Variants in FRMD4A observed in about 807,000 individuals in gnomAD.
FRMD4A encodes FERM domain-containing protein 4A.
Under a neutral mutation model 129.1 loss-of-function variants are expected in FRMD4A, and 29 were observed. The ratio of observed to expected loss-of-function variants is 0.22; its 90% CI spans 0.17 to 0.31. FRMD4A has a LOEUF of 0.31. Among genes scored for constraint, FRMD4A ranks in the 10% least tolerant of loss-of-function variants. The pLI is 1.00. For missense variants in FRMD4A, 1,272 were observed against 1,375.8 expected (o/e 0.92, Z 1.19); for synonymous variants, 634 against 571.6 (o/e 1.11, Z -1.56).
At chr10:14,326,690 C>T in intron 2 of FRMD4A, 1 of 396,630 alleles carries the variant, frequency 2.5e-6, no homozygotes, top group Middle Eastern at 6.3e-4. Context: ...CTTATCCTGG[C>T]TCTAAAGATA....
rs566191392 is a variant in FRMD4A at position 13,686,685 on chromosome 10, C to T, written c.1117+7213G>A. Among the ~76,000 whole-genome samples the T allele has an allele frequency of 5.9e-5, 9 of 152,332 alleles. No individual in the cohort carries two copies. In the South Asian group the frequency reaches 1.7e-3, roughly 28 times the overall value. On this transcript the variant is annotated intron_variant, in intron 15 of 24. Transcript: ENST00000357447. ...AGATTCTTCGCAATCTTGCTGATCA[C>T]ACTGCAGATGACTCAATGGCCATCT...
At chr10:14,014,254 C>T (rs1220862371) in intron 2 of FRMD4A, among the ~76,000 whole-genome samples, 1 of 152,094 alleles carries the variant, frequency 6.6e-6, no homozygotes, top group African/African-American at 2.4e-5. Context: ...GAAATTGAAC[C>T]AAAACACACG....
At chr10:13,829,583 A>G in intron 3 of FRMD4A, among the ~76,000 whole-genome samples, 1 of 152,196 alleles carries the variant, frequency 6.6e-6, no homozygotes, top group South Asian at 2.1e-4. Context: ...CAGTGACTTC[A>G]TATGTCCTGC....
intron 24 of FRMD4A, among the ~76,000 whole-genome samples, chr10:13,648,936 C>T (rs1376499710): frequency 6.6e-6 from 1 of 152,048 alleles, no homozygotes; most frequent in Non-Finnish European, 1.5e-5. Flanking sequence ...AAAAAGCTTC[C>T]ATGGATAAAT....
At chr10:14,297,275 C>T (rs1409697709) in intron 2 of FRMD4A, among the ~76,000 whole-genome samples, 1 of 152,046 alleles carries the variant, frequency 6.6e-6, no homozygotes, top group East Asian at 1.9e-4. Flanking sequence ...CAGGTCATTA[C>T]AGACAAACAA....
chr10:14,007,965 A>C lies in FRMD4A; in HGVS notation c.46-149053T>G, dbSNP rs2095667859. ...CCCAGGAACTCCAACTGTTCAGGAA[A>C]CGTGAGTAACAGAAGTAACGCGGTA... On this transcript the variant is annotated intron_variant, in intron 2 of 24. Transcript: ENST00000357447. 4.8e-6 allele frequency: 6 copies of C among 1,256,250 alleles called. No homozygotes were observed. The South Asian group carries it at 7.9e-5, about 17-fold the overall frequency. 77.8% of individuals were successfully genotyped at this position (1,256,250 alleles called of 1,614,324 possible).
At chr10:13,791,917 C>G (rs4607968) in intron 5 of FRMD4A, among the ~76,000 whole-genome samples, 91,082 of 152,066 alleles carry the variant, frequency 0.6, 27,806 homozygotes, top group East Asian at 0.73. Flanking sequence ...TCCGGCGGGT[C>G]TCCACAGTGT....
intron 5 of FRMD4A, among the ~76,000 whole-genome samples, chr10:13,790,159 G>A (rs2092963902): frequency 7.5e-6 from 1 of 133,400 alleles, no homozygotes; most frequent in Non-Finnish European, 1.6e-5. Context: ...GCAAGCGGGA[G>A]GGAGCGGTGA....
At chr10:13,798,749 T>C (rs567373264) in intron 4 of FRMD4A, among the ~76,000 whole-genome samples, 1 of 152,264 alleles carries the variant, frequency 6.6e-6, no homozygotes, top group East Asian at 1.9e-4. Context: ...GAGAGTATTG[T>C]AAGTAAAATA....
chr10:14,268,493 G>A (rs1441783327), intron 2 of FRMD4A, among the ~76,000 whole-genome samples: 1 of 152,156 alleles, frequency 6.6e-6, no homozygotes, highest in African/African-American at 2.4e-5. Flanking sequence ...GTAATATATT[G>A]TAAGACTCCC....
intron 2 of FRMD4A, among the ~76,000 whole-genome samples, chr10:14,049,078 T>A (rs1834135439): frequency 6.6e-6 from 1 of 152,142 alleles, no homozygotes; most frequent in Admixed American, 6.5e-5. Context: ...AATAAGAAGT[T>A]GAGAAGTAAG....
At chr10:14,309,024 G>GT (rs1003929736) in intron 2 of FRMD4A, among the ~76,000 whole-genome samples, 22 of 152,234 alleles carry the variant, frequency 1.4e-4, no homozygotes, top group African/African-American at 5.3e-4. Flanking sequence ...TTCCGTCTCC[G>GT]TTTTTGTTGA....
intron 2 of FRMD4A, among the ~76,000 whole-genome samples, chr10:13,859,437 G>C (rs2094262026): frequency 6.6e-6 from 1 of 152,058 alleles, no homozygotes; most frequent in Non-Finnish European, 1.5e-5. Context: ...CACTTTTCTG[G>C]GAGCTGGGTG....
chr10:14,318,130 G>A lies in FRMD4A; in HGVS notation c.45+11928C>T, dbSNP rs140738408. Reference sequence around the variant, plus strand: ...ATGGCACTAGTTGTAATGGCCTAACGTAAAGCATTCCTGAACAATATTAAT... The same window carrying A: ...ATGGCACTAGTTGTAATGGCCTAACATAAAGCATTCCTGAACAATATTAAT... On this transcript the variant is annotated intron_variant, in intron 2 of 24. Coordinates refer to ENST00000357447, the MANE Select transcript of FRMD4A (RefSeq NM_018027.5). Among the ~76,000 whole-genome samples, 76 of 152,216 alleles carry A rather than the reference G, an allele frequency of 5.0e-4. No homozygotes were observed. In the East Asian group the frequency reaches 0.011, roughly 22 times the overall value.
At chr10:13,796,971 C>T (rs980366567) in intron 4 of FRMD4A, among the ~76,000 whole-genome samples, 14 of 152,276 alleles carry the variant, frequency 9.2e-5, no homozygotes, top group African/African-American at 3.4e-4. Context: ...CCGCCCACCT[C>T]GGCCTCCCAA....
chr10:13,827,613 G>A (rs1044919684), intron 3 of FRMD4A, among the ~76,000 whole-genome samples: 1 of 152,220 alleles, frequency 6.6e-6, no homozygotes, highest in Non-Finnish European at 1.5e-5. Flanking sequence ...GCCTCCTGCA[G>A]ACTGATAAGC....
At chr10:13,889,951 A>T (rs958543574) in intron 2 of FRMD4A, among the ~76,000 whole-genome samples, 3 of 152,234 alleles carry the variant, frequency 2.0e-5, no homozygotes, top group Admixed American at 6.5e-5. Context: ...GACCAAGTGG[A>T]TTCAAACCTA....
intron 2 of FRMD4A, among the ~76,000 whole-genome samples, chr10:13,901,436 C>A (rs2094817666): frequency 6.6e-6 from 1 of 151,848 alleles, no homozygotes; most frequent in African/African-American, 2.4e-5. Context: ...CATGGTGAAA[C>A]CTGTCTCTAC....
rs368214602 is a variant in FRMD4A at position 14,100,607 on chromosome 10, T to G, written c.45+229451A>C. Among the ~76,000 whole-genome samples the G allele has an allele frequency of 1.2e-4, 19 of 152,236 alleles. No homozygotes were observed. The South Asian group carries it at 2.1e-3, about 17-fold the overall frequency. On this transcript the variant is annotated intron_variant, in intron 2 of 24. Transcript: ENST00000357447. ...ATTTTATTTTATATACTTGCCGGCC[T>G]TAGGATAAGCTGCACAGTGAATCAA...
Sources: gnomAD v4.1 joint callset for allele counts (sites outside exome capture counted in the v4.1 genomes callset) on GRCh38, gnomAD v4.1.1 for gene constraint, MANE v1.5 for transcripts, NCBI Gene and HGNC (gene_info 2026-07-23, HGNC 2026-07-21) for gene names.